The following KIAA0319 variants were observed in gnomAD, a reference collection of about 807,000 sequenced individuals.
KIAA0319 encodes the protein dyslexia-associated protein KIAA0319.
A neutral mutation model predicts 108.4 loss-of-function variants in KIAA0319; 83 were observed. The ratio of observed to expected loss-of-function variants is 0.77; its 90% CI spans 0.64 to 0.92. KIAA0319 has a LOEUF of 0.92. Ranked by LOEUF, KIAA0319 falls within the 40% of genes least tolerant of loss-of-function variation. KIAA0319 has a pLI of 0.00. For synonymous variants in KIAA0319, 484 were observed against 510.4 expected, an observed-to-expected ratio of 0.95 and a Z score of 0.70; for missense variants, 1,195 against 1,322.4, an observed-to-expected ratio of 0.90 and a Z score of 1.49.
rs746784398 is a variant in KIAA0319 at position 24,580,990 on chromosome 6, G to A, written c.1215C>T (p.Phe405=). Residue 405 remains phenylalanine, a synonymous_variant, in exon 7 of 21, where the codon TTC becomes TTT. Transcript: ENST00000378214. ...LSQLSVGLYV[F]KVTVSSENAF... is the part of the protein sequence containing the mutation. ...CGTTTTCACTAGAAACAGTGACTTT[G>A]AAGACATAAAGTCCGACGGACAACT... 6.2e-7 allele frequency: 1 copy of A among 1,611,484 alleles called. No homozygotes were observed. Among genetic ancestry groups the A allele is most frequent in the South Asian group, 1.1e-5 (1 of 91,018 alleles).
intron 1 of KIAA0319, among the ~76,000 whole-genome samples, chr6:24,620,817 T>C (rs1773832503): frequency 6.6e-6 from 1 of 152,162 alleles, no homozygotes; most frequent in South Asian, 2.1e-4. Flanking sequence ...TTTAATTACC[T>C]CCAATAAAGT....
chr6:24,559,403 G>A (rs1323795501), intron 16 of KIAA0319, among the ~76,000 whole-genome samples: 1 of 152,196 alleles, frequency 6.6e-6, no homozygotes, highest in Non-Finnish European at 1.5e-5. Flanking sequence ...TGTAAATTAT[G>A]TATCAGTTTT....
At chr6:24,615,254 C>T (rs1233362150) in intron 1 of KIAA0319, among the ~76,000 whole-genome samples, 1 of 152,062 alleles carries the variant, frequency 6.6e-6, no homozygotes, top group African/African-American at 2.4e-5. Context: ...CAGGAGACTG[C>T]TTTAACAAAT....
rs1391416272 is a variant in KIAA0319 at position 24,599,734 on chromosome 6, T to C, written c.55+1315A>G. The C allele has an allele frequency of 5.4e-6, 3 of 558,208 alleles. No homozygotes were observed. The highest frequency in any genetic ancestry group is 7.6e-5 in the East Asian group (2 of 26,260). The allele number at this position is 558,208 out of a possible 1,614,324, so 34.6% of individuals were successfully genotyped here. Reference sequence around the variant, plus strand: ...TTCAGGGCCATGGTTGTGAAGAAGATCGAGATTTGTGATAGGAAACTGGTG... The same window carrying C: ...TTCAGGGCCATGGTTGTGAAGAAGACCGAGATTTGTGATAGGAAACTGGTG... On this transcript the variant is annotated intron_variant, in intron 2 of 20. Coordinates refer to ENST00000378214, the MANE Select transcript of KIAA0319 (RefSeq NM_014809.4). The surrounding 1 kb of genome is among the most constrained non-coding windows in gnomAD (Gnocchi z 4.1).
intron 3 of KIAA0319, among the ~76,000 whole-genome samples, chr6:24,591,449 A>G (rs534862959): frequency 3.3e-4 from 50 of 152,222 alleles, no homozygotes; most frequent in Non-Finnish European, 6.5e-4. Context: ...CTCTACAAAA[A>G]TAAAAATAAA....
intron 1 of KIAA0319, among the ~76,000 whole-genome samples, chr6:24,603,436 A>T (rs987662528): frequency 6.6e-6 from 1 of 152,228 alleles, no homozygotes; most frequent in Non-Finnish European, 1.5e-5. Context: ...AGGTTTCCTA[A>T]TGTGGTGTCA....
chr6:24,563,501 G>A lies in KIAA0319; in HGVS notation c.2449C>T (p.Leu817=). 1 of 1,611,242 alleles carries A rather than the reference G, an allele frequency of 6.2e-7. No individual in the cohort carries two copies. Among genetic ancestry groups the A allele is most frequent in the Non-Finnish European group, 8.5e-7 (1 of 1,179,402 alleles). ...EVQPDPRKSG[L]VELTLQVGVG... is the part of the protein sequence containing the mutation. ...CCAACCTGCAGGGTCAGCTCCACCA[G>A]GCCACTCTTCCTAGGGTCTGGGGAA... Residue 817 remains leucine (L), a synonymous_variant, in exon 16 of 21, where the codon CTG becomes TTG. Transcript: ENST00000378214.
intron 19 of KIAA0319, among the ~76,000 whole-genome samples, chr6:24,553,083 C>T (rs902700399): frequency 6.6e-6 from 1 of 151,802 alleles, no homozygotes; most frequent in Non-Finnish European, 1.5e-5. Flanking sequence ...AAGGAAACAC[C>T]TAAAGCAAAA....
chr6:24,622,521 A>C (rs1160331797), intron 1 of KIAA0319, among the ~76,000 whole-genome samples: 3 of 152,212 alleles, frequency 2.0e-5, no homozygotes, highest in Non-Finnish European at 4.4e-5. Context: ...TCAGAGAACA[A>C]GAAAAATTAT....
chr6:24,573,571 G>C (rs1342989267), intron 10 of KIAA0319, among the ~76,000 whole-genome samples: 2 of 152,144 alleles, frequency 1.3e-5, no homozygotes, highest in African/African-American at 4.8e-5. Context: ...ACACAAAAAA[G>C]AAATTTGTGG....
intron 1 of KIAA0319, among the ~76,000 whole-genome samples, chr6:24,645,181 TACTA>T (rs150495203): frequency 0.039 from 5,954 of 152,216 alleles, 127 homozygotes; most frequent in East Asian, 0.063. Context: ...GTGGAAAAAA[TACTA>T]ACATTTCACC....
At chr6:24,612,958 C>T (rs544031690) in intron 1 of KIAA0319, among the ~76,000 whole-genome samples, 121 of 152,250 alleles carry the variant, frequency 7.9e-4, no homozygotes, top group Admixed American at 5.7e-3. Context: ...GCCACCACGC[C>T]CGACTAATTT....
In KIAA0319 at chr6:24,551,508, ATTTTAGTCC is replaced by A. The variant is rs1236395916; in HGVS notation, c.2957_2965del (p.Arg986_Lys988del). On this transcript the variant is annotated inframe_deletion, in exon 20 of 21. Transcript: ENST00000378214. ...GATGGTGTACTTTGTTTTTTTCCTG[ATTTTAGTCC>A]TTTTTTGTCTGAAAGGAACAATGAA... is the stretch of plus-strand genomic sequence containing the variant. 8 of 1,609,248 alleles carry A rather than the reference ATTTTAGTCC, an allele frequency of 5.0e-6. No individual in the cohort carries two copies. The highest frequency in any genetic ancestry group is 6.8e-6 in the Non-Finnish European group (8 of 1,175,716).
chr6:24,541,891 G>A (rs1760204832), downstream of KIAA0319, among the ~76,000 whole-genome samples: 1 of 152,196 alleles, frequency 6.6e-6, no homozygotes, highest in Non-Finnish European at 1.5e-5. Flanking sequence ...TGTAGTCCCA[G>A]TACTTTGGGA....
intron 2 of KIAA0319, among the ~76,000 whole-genome samples, 180 bp downstream of exon 2, chr6:24,600,869 T>G (rs765402505): frequency 9.2e-5 from 14 of 151,776 alleles, no homozygotes; most frequent in Middle Eastern, 3.4e-3. Flanking sequence ...AAAATAAACT[T>G]AAATTCCTGT....
At chr6:24,561,122 T>G (rs955612162) in intron 16 of KIAA0319, among the ~76,000 whole-genome samples, 12 of 152,258 alleles carry the variant, frequency 7.9e-5, no homozygotes, top group Non-Finnish European at 5.9e-5. Context: ...AACCTTGTAA[T>G]AAGTTGCTGG....
intron 8 of KIAA0319, among the ~76,000 whole-genome samples, chr6:24,579,410 A>ATATATATATAT (rs1561981471): frequency 1.0e-4 from 9 of 88,060 alleles, no homozygotes; most frequent in African/African-American, 5.0e-4. Context: ...CCTCTATATA[A>ATATATATATAT]AGATATATAT....
At chr6:24,636,329 C>A (rs1237308494) in intron 1 of KIAA0319, among the ~76,000 whole-genome samples, 4 of 152,206 alleles carry the variant, frequency 2.6e-5, no homozygotes, top group Non-Finnish European at 4.4e-5. Flanking sequence ...ATTCAATGAC[C>A]ACTTTGGAAC....
intron 16 of KIAA0319, among the ~76,000 whole-genome samples, chr6:24,562,931 C>T (rs937233202): frequency 7.9e-5 from 12 of 152,130 alleles, no homozygotes; most frequent in African/African-American, 1.7e-4. Context: ...GCCAGAGTTT[C>T]AGCCTCATAT....
Sources: allele counts gnomAD v4.1 joint callset (sites outside exome capture counted in the v4.1 genomes callset), GRCh38; gene constraint gnomAD v4.1.1; non-coding constraint Gnocchi (gnomAD v3.1); transcripts MANE v1.5; gene names NCBI Gene and HGNC (gene_info 2026-07-23, HGNC 2026-07-21).